The following EYS variants were observed in gnomAD, a reference collection of about 807,000 sequenced individuals.
The protein encoded by EYS is EGF-like photoreceptor maintenance factor, also known as protein eyes shut homolog.
Under a neutral mutation model 282.1 loss-of-function variants are expected in EYS, and 250 were observed. The ratio of observed to expected loss-of-function variants is 0.89; its 90% CI spans 0.80 to 0.98. The LOEUF (loss-of-function observed/expected upper bound fraction) is 0.98, where lower values mean the gene tolerates loss of function less well. Ranked by LOEUF, EYS falls within the 50% of genes least tolerant of loss-of-function variation. EYS has a pLI of 0.00. For missense variants in EYS, 4,016 were observed against 3,709.0 expected, an observed-to-expected ratio of 1.08 and a Z score of -2.15; for synonymous variants, 1,355 against 1,282.9, an observed-to-expected ratio of 1.06 and a Z score of -1.20.
chr6:64,046,489 C>T (rs375243881), intron 33 of EYS, among the ~76,000 whole-genome samples: 18 of 151,660 alleles, frequency 1.2e-4, no homozygotes, highest in African/African-American at 4.4e-4. Context: ...CCATCTTCTA[C>T]ATCTTAACTT....
intron 22 of EYS, among the ~76,000 whole-genome samples, 168 bp downstream of exon 22, chr6:64,813,210 A>G (rs1361317294): frequency 1.3e-5 from 2 of 152,054 alleles, no homozygotes; most frequent in Non-Finnish European, 2.9e-5. Flanking sequence ...TGGAAAATAT[A>G]AACAATGACA....
chr6:64,557,224 AC>A (rs1765262116), intron 26 of EYS, among the ~76,000 whole-genome samples: 1 of 12,768 alleles, frequency 7.8e-5, no homozygotes, highest in Admixed American at 8.9e-4. Flanking sequence ...ACATACACAC[AC>A]ACACACACAC....
chr6:63,828,048 T>C (rs1343693765), intron 36 of EYS, among the ~76,000 whole-genome samples: 1 of 152,040 alleles, frequency 6.6e-6, no homozygotes, highest in Non-Finnish European at 1.5e-5. Flanking sequence ...TGAATGACAA[T>C]AGTGATACAA....
intron 22 of EYS, among the ~76,000 whole-genome samples, chr6:64,808,882 T>C (rs2150013041): frequency 6.6e-6 from 1 of 152,250 alleles, no homozygotes; most frequent in Non-Finnish European, 1.5e-5. Flanking sequence ...AAATCTGATA[T>C]GACTCTGACC....
chr6:65,702,016 G>A (rs527717511), intron 1 of EYS, among the ~76,000 whole-genome samples: 326 of 152,236 alleles, frequency 2.1e-3, no homozygotes, highest in Non-Finnish European at 3.6e-3. Context: ...ATATCAACAT[G>A]TTGTGCCCTA....
chr6:64,605,562 A>T (rs1345367870), intron 24 of EYS, among the ~76,000 whole-genome samples: 1 of 151,888 alleles, frequency 6.6e-6, no homozygotes, highest in African/African-American at 2.4e-5. Flanking sequence ...TACTGTCAAT[A>T]GCATCCTCTG....
chr6:63,963,311 C>T (rs77967319), intron 35 of EYS, among the ~76,000 whole-genome samples: 8,820 of 151,360 alleles, frequency 0.058, 315 homozygotes, highest in South Asian at 0.14. Context: ...CAATAAAACC[C>T]AATCATGTAA....
intron 2 of EYS, among the ~76,000 whole-genome samples, chr6:65,554,640 C>G (rs1002824942): frequency 6.6e-6 from 1 of 152,132 alleles, no homozygotes. Flanking sequence ...CCCCCAGACA[C>G]AAGACTGAGT....
intron 22 of EYS, among the ~76,000 whole-genome samples, chr6:64,808,038 T>TCCTC (rs1365489373): frequency 2.1e-5 from 3 of 144,362 alleles, no homozygotes; most frequent in South Asian, 2.2e-4. Context: ...CCTCCTTCCT[T>TCCTC]CCTCCTTTCC....
chr6:63,991,618 T>C (rs1236273291), intron 34 of EYS, among the ~76,000 whole-genome samples: 2 of 151,200 alleles, frequency 1.3e-5, no homozygotes, highest in African/African-American at 2.4e-5. Flanking sequence ...GAAAGAATCA[T>C]AAAATTCAAA....
At chr6:64,706,994 G>T (rs1207363540) in intron 22 of EYS, among the ~76,000 whole-genome samples, 1 of 151,914 alleles carries the variant, frequency 6.6e-6, no homozygotes, top group Admixed American at 6.6e-5. Flanking sequence ...ATACAAAAAA[G>T]ATACTTGCAC....
intron 12 of EYS, among the ~76,000 whole-genome samples, chr6:65,133,744 G>T (rs1775946958): frequency 6.6e-6 from 1 of 151,914 alleles, no homozygotes; most frequent in Admixed American, 6.6e-5. Context: ...AAAAGCAATT[G>T]CAACAAAAGC....
intron 28 of EYS, among the ~76,000 whole-genome samples, chr6:64,408,375 G>A (rs1773789320): frequency 6.6e-6 from 1 of 152,116 alleles, no homozygotes; most frequent in Admixed American, 6.5e-5. Flanking sequence ...ATCACCTGAG[G>A]AGGGAGAGAG....
intron 22 of EYS, among the ~76,000 whole-genome samples, chr6:64,710,559 G>C (rs1198862669): frequency 6.6e-6 from 1 of 152,212 alleles, no homozygotes; most frequent in Admixed American, 6.5e-5. Flanking sequence ...CCTGTGGAGT[G>C]CTTTCTCACT....
intron 22 of EYS, among the ~76,000 whole-genome samples, chr6:64,655,502 C>T (rs1056296035): frequency 6.6e-6 from 1 of 151,722 alleles, no homozygotes; most frequent in Non-Finnish European, 1.5e-5. Context: ...CATTGTGGAG[C>T]ATTCACAGTA....
intron 1 of EYS, among the ~76,000 whole-genome samples, chr6:65,646,636 C>A (rs529943745): frequency 6.6e-6 from 1 of 152,284 alleles, no homozygotes; most frequent in African/African-American, 2.4e-5. Context: ...CCCACTTTCA[C>A]CACTTCTATT....
chr6:65,701,210 T>A lies in EYS; in HGVS notation c.-448+5925A>T, dbSNP rs570753723. ...ATGAATATAAAAATATTTAAAATTA[T>A]TCTCCCATTATTGAATAAATGGGAT... On this transcript the variant is annotated intron_variant, in intron 1 of 42. Coordinates refer to ENST00000503581, the MANE Select transcript of EYS (RefSeq NM_001142800.2). Among the ~76,000 whole-genome samples the A allele has an allele frequency of 3.9e-5, 6 of 152,324 alleles. No individual in the cohort carries two copies. In the East Asian group the frequency reaches 1.2e-3, roughly 29 times the overall value.
Position 65,586,429 on chromosome 6 carries a change from G to C in EYS, c.-333+53349C>G, listed in dbSNP as rs191480495. Reference sequence around the variant, plus strand: ...CAACTATTGAGATGCTGGAGATTAAGGGTATCCTATCTTAAGGAATGTAGC... The same window carrying C: ...CAACTATTGAGATGCTGGAGATTAACGGTATCCTATCTTAAGGAATGTAGC... On this transcript the variant is annotated intron_variant, in intron 2 of 42. Transcript: ENST00000503581. Among the ~76,000 whole-genome samples the C allele has an allele frequency of 5.9e-5, 9 of 152,110 alleles. No homozygotes were observed. The East Asian group carries it at 1.7e-3, about 29-fold the overall frequency.
intron 22 of EYS, among the ~76,000 whole-genome samples, chr6:64,689,994 A>G (rs1213136385): frequency 1.3e-5 from 2 of 152,100 alleles, no homozygotes; most frequent in African/African-American, 2.4e-5. Flanking sequence ...AATTAAACTA[A>G]AGAGCTTCTG....
Sources: allele counts gnomAD v4.1 joint callset (sites outside exome capture counted in the v4.1 genomes callset), GRCh38; gene constraint gnomAD v4.1.1; transcripts MANE v1.5; gene names NCBI Gene and HGNC (gene_info 2026-07-23, HGNC 2026-07-21).